GATB: variants seen among roughly 807,000 people sequenced by gnomAD.
GATB encodes glutamyl-tRNA amidotransferase subunit B, also known as glutamyl-tRNA(Gln) amidotransferase subunit B, mitochondrial.
A neutral mutation model predicts 62.3 loss-of-function variants in GATB; 39 were observed. That is an observed-to-expected ratio of 0.63 (90% CI 0.48 to 0.82). The LOEUF is 0.82. Among genes scored for constraint, GATB ranks in the 40% least tolerant of loss-of-function variants. The pLI, the probability that GATB is intolerant of heterozygous loss-of-function variation, is 0.00. For synonymous variants in GATB, 276 were observed against 258.9 expected (o/e 1.07, Z -0.63); for missense variants, 670 against 684.0 (o/e 0.98, Z 0.23).
intron 12 of GATB, 116 bp from the exon 13 acceptor site, chr4:151,671,418 T>C: frequency 1.0e-6 from 1 of 991,748 alleles, no homozygotes; most frequent in Non-Finnish European, 1.5e-6. Flanking sequence ...TCCACTAGTA[T>C]TAGACATAAA....
intron 2 of GATB, among the ~76,000 whole-genome samples, chr4:151,749,573 C>G (rs991615139): frequency 6.6e-6 from 1 of 151,868 alleles, no homozygotes; most frequent in Non-Finnish European, 1.5e-5. Context: ...ACCAACATGG[C>G]ACATGTATAC....
intron 9 of GATB, among the ~76,000 whole-genome samples, chr4:151,689,955 A>C (rs1738329785): frequency 6.6e-6 from 1 of 152,192 alleles, no homozygotes; most frequent in Non-Finnish European, 1.5e-5. Context: ...GGGAAGGCTG[A>C]AATTTCCAAA....
At chr4:151,697,366 C>T (rs1738489324) in intron 9 of GATB, among the ~76,000 whole-genome samples, 1 of 151,918 alleles carries the variant, frequency 6.6e-6, no homozygotes, top group Non-Finnish European at 1.5e-5. Context: ...TTAAGTGAAA[C>T]GACACTGAAA....
At chr4:151,724,864 TA>T (rs1292805439) in intron 2 of GATB, among the ~76,000 whole-genome samples, 1 of 152,132 alleles carries the variant, frequency 6.6e-6, no homozygotes. Flanking sequence ...CACCTAAATA[TA>T]ATACCAAGCT....
intron 3 of GATB, 149 bp from the exon 4 acceptor site, chr4:151,717,223 T>G: frequency 1.4e-6 from 1 of 698,868 alleles, no homozygotes; most frequent in East Asian, 2.7e-5. Flanking sequence ...AAAAATTAGT[T>G]GCTGCATTGC....
At chr4:151,696,886 T>A (rs1738481699) in intron 9 of GATB, among the ~76,000 whole-genome samples, 5 of 152,236 alleles carry the variant, frequency 3.3e-5, no homozygotes, top group Admixed American at 1.3e-4. Flanking sequence ...ACTGATATAC[T>A]GACTCAGAGA....
At chr4:151,671,479 CT>C (rs1737859228) in intron 12 of GATB, among the ~76,000 whole-genome samples, 177 bp from the exon 13 acceptor site, 1 of 152,124 alleles carries the variant, frequency 6.6e-6, no homozygotes. Context: ...GGTTTCTAGG[CT>C]CCTGTCAAAG....
chr4:151,712,868 G>A (rs922062450), intron 5 of GATB, among the ~76,000 whole-genome samples: 1 of 152,190 alleles, frequency 6.6e-6, no homozygotes, highest in African/African-American at 2.4e-5. Context: ...GCTTTAGTCA[G>A]AAGTCCCCAA....
intron 2 of GATB, chr4:151,719,829 A>C: frequency 3.5e-6 from 1 of 286,112 alleles, no homozygotes; most frequent in Non-Finnish European, 6.5e-6. Flanking sequence ...GAAGAGTCGC[A>C]GAAAAGCTTA....
In GATB at chr4:151,730,409, C is replaced by T. The variant is rs1290768909; in HGVS notation, c.328-10871G>A. ...AGGGCCCCGCCCACCACTGGTCCCTCTCCATACTACAGCTAATGCTCTCTG... is the reference window on the plus strand; with the variant it reads ...AGGGCCCCGCCCACCACTGGTCCCTTTCCATACTACAGCTAATGCTCTCTG... On this transcript the variant is annotated intron_variant, in intron 2 of 12. Transcript: ENST00000263985. This position sits in a 1 kb window ranked among gnomAD's most constrained non-coding sequence, Gnocchi z 4.1. 6.6e-6 allele frequency among the ~76,000 whole-genome samples: 1 copy of T among 152,214 alleles called. No homozygotes were observed. Among genetic ancestry groups the T allele is most frequent in the African/African-American group, 2.4e-5 (1 of 41,446 alleles).
At chr4:151,739,425 C>G (rs1274943266) in intron 2 of GATB, among the ~76,000 whole-genome samples, 3 of 152,176 alleles carry the variant, frequency 2.0e-5, no homozygotes, top group Admixed American at 6.5e-5. Context: ...GACCTCCTAA[C>G]TTTGCCAAGA....
At chr4:151,748,724 C>G (rs1352543251) in intron 2 of GATB, among the ~76,000 whole-genome samples, 1 of 152,146 alleles carries the variant, frequency 6.6e-6, no homozygotes, top group African/African-American at 2.4e-5. Flanking sequence ...AGTGAACAGG[C>G]AACCTACAGA....
chr4:151,713,817 C>T (rs1738864683), intron 5 of GATB, among the ~76,000 whole-genome samples: 1 of 152,186 alleles, frequency 6.6e-6, no homozygotes, highest in Admixed American at 6.5e-5. Flanking sequence ...AGAAAGGGCT[C>T]TTGGACCCAG....
chr4:151,706,709 T>C (rs1444876471), intron 6 of GATB, among the ~76,000 whole-genome samples: 1 of 152,180 alleles, frequency 6.6e-6, no homozygotes, highest in Admixed American at 6.5e-5. Context: ...GACAATAAGG[T>C]CTAATACAAG....
intron 5 of GATB, among the ~76,000 whole-genome samples, chr4:151,715,065 CT>C (rs1484209056): frequency 6.6e-6 from 1 of 152,220 alleles, no homozygotes; most frequent in Non-Finnish European, 1.5e-5. Flanking sequence ...AGAAGTCCCC[CT>C]GTAACATGCA....
intron 2 of GATB, among the ~76,000 whole-genome samples, chr4:151,731,202 T>C (rs1047216249): frequency 1.4e-5 from 2 of 146,864 alleles, no homozygotes; most frequent in African/African-American, 5.0e-5. Context: ...CTCCGCTCAC[T>C]GCAACCTCCC....
intron 2 of GATB, among the ~76,000 whole-genome samples, chr4:151,749,899 T>C (rs979754218): frequency 6.6e-6 from 1 of 152,154 alleles, no homozygotes; most frequent in Non-Finnish European, 1.5e-5. Context: ...TTGTTTTTTT[T>C]TGAGACAGAG....
At chr4:151,742,308 T>C (rs1739507426) in intron 2 of GATB, among the ~76,000 whole-genome samples, 1 of 152,000 alleles carries the variant, frequency 6.6e-6, no homozygotes, top group Admixed American at 6.6e-5. Context: ...CAGGATGGTC[T>C]CGATCTCCTG....
chr4:151,673,223 A>T, intron 11 of GATB: 2 of 185,932 alleles, frequency 1.1e-5, no homozygotes, highest in Non-Finnish European at 1.1e-5. Flanking sequence ...GCCCAGAGGG[A>T]TGGTGAGTCC....
Sources: allele counts gnomAD v4.1 joint callset (sites outside exome capture counted in the v4.1 genomes callset), GRCh38; gene constraint gnomAD v4.1.1; non-coding constraint Gnocchi (gnomAD v3.1); transcripts MANE v1.5; gene names NCBI Gene and HGNC (gene_info 2026-07-23, HGNC 2026-07-21).